Variants in NIT1 observed in about 807,000 individuals in gnomAD.
NIT1 encodes deaminated glutathione amidase.
Under a neutral mutation model 36.8 loss-of-function variants are expected in NIT1, and 30 were observed. The ratio of observed to expected loss-of-function variants is 0.82; its 90% CI spans 0.61 to 1.11. The LOEUF (loss-of-function observed/expected upper bound fraction) is 1.11, where lower values mean the gene tolerates loss of function less well. Among genes scored for constraint, NIT1 ranks in the 50% least tolerant of loss-of-function variants. The pLI, the probability that NIT1 is intolerant of heterozygous loss-of-function variation, is 0.00. For synonymous variants in NIT1, 151 were observed against 155.6 expected (o/e 0.97, Z 0.22); for missense variants, 438 against 410.6 (o/e 1.07, Z -0.58).
At position 161,118,545 on chromosome 1, in the gene NIT1, G is replaced by A. The variant is rs1489312016; in HGVS notation, c.3-241G>A. 8.5e-6 allele frequency: 13 copies of A among 1,536,086 alleles called. 1 individual carries two copies. In the South Asian group the frequency reaches 1.3e-4, roughly 15 times the overall value. On this transcript the variant is annotated intron_variant, in intron 1 of 6. Coordinates refer to ENST00000368009, the MANE Select transcript of NIT1 (RefSeq NM_005600.3). ...CGTTTGTCAGAGGAAAGAGGCTTCA[G>A]TTTAATGTGAGATCATTGGAAGTTG...
rs199608667 is a variant in NIT1 at position 161,120,036 on chromosome 1, A to G, written c.592-71A>G. On this transcript the variant is annotated intron_variant, in intron 5 of 6. Transcript: ENST00000368009. ...GATAGAAAGCCCTAAGAGAGGGGGT[A>G]ATGGAAATATGACTAGATGCTGTGA... The G allele has an allele frequency of 5.3e-4, 853 of 1,608,730 alleles. 7 individuals are homozygous for G. Among genetic ancestry groups the G allele is most frequent in the South Asian group, 2.2e-4 (20 of 90,952 alleles).
chr1:161,120,722 G>T lies in NIT1; in HGVS notation c.941G>T (p.Arg314Leu), dbSNP rs761471860. 6.2e-7 allele frequency: 1 copy of T among 1,613,784 alleles called. No homozygotes were observed. Among genetic ancestry groups the T allele is most frequent in the Non-Finnish European group, 8.5e-7 (1 of 1,180,010 alleles). The change falls in exon 7 of 7, where the codon CGC (arginine) becomes CTC (leucine). Residue 314 changes from arginine (R) to leucine (L), a missense_variant. By Grantham distance (102) the Arg-to-Leu change is moderately radical. Coordinates refer to ENST00000368009, the MANE Select transcript of NIT1 (RefSeq NM_005600.3). Reference sequence around the variant, plus strand: ...CGACACCTGCCTGTGTTCCAGCACCGCAGGCCTGACCTCTATGGCAATCTG... The same window carrying T: ...CGACACCTGCCTGTGTTCCAGCACCTCAGGCCTGACCTCTATGGCAATCTG... ...LRRHLPVFQHRRPDLYGNLGH... is the reference protein window; with the variant it reads ...LRRHLPVFQHLRPDLYGNLGH...
chr1:161,120,530 A>C lies in NIT1; in HGVS notation c.749A>C (p.Gln250Pro). The change falls in exon 7 of 7, where the codon CAG (glutamine) becomes CCG (proline). Residue 250 changes from glutamine (Q) to proline (P), a missense_variant. Physicochemically the swap from Gln to Pro is moderately conservative, Grantham distance 76. Coordinates refer to ENST00000368009, the MANE Select transcript of NIT1 (RefSeq NM_005600.3). ...CTGCGGGCCCGTGCTATCGAAACCC[A>C]GTGCTATGTAGTGGCAGCAGCACAG... is the stretch of plus-strand genomic sequence containing the variant. ...VLLRARAIET[Q>P]CYVVAAAQCG... 6.2e-7 allele frequency: 1 copy of C among 1,614,184 alleles called. No homozygotes were observed. Among genetic ancestry groups the C allele is most frequent in the Non-Finnish European group, 8.5e-7 (1 of 1,180,044 alleles).
At chr1:161,122,048 G>T, downstream of NIT1, 1 of 1,414,208 alleles carries the variant, frequency 7.1e-7, no homozygotes, top group Non-Finnish European at 9.5e-7. This position sits in a 1 kb window ranked among gnomAD's most constrained non-coding sequence, Gnocchi z 4.2. Context: ...AAAAGGCAGG[G>T]GTGTGATTGG....
chr1:161,121,936 T>C, downstream of NIT1: 1 of 582,058 alleles, frequency 1.7e-6, no homozygotes, highest in Non-Finnish European at 2.9e-6. Context: ...ACGGGGTAAA[T>C]GGAAAAGGGA....
At chr1:161,118,971 C>T (rs1655113192) in intron 2 of NIT1, 90 bp downstream of exon 2, 2 of 1,332,164 alleles carry the variant, frequency 1.5e-6, no homozygotes. Context: ...GTCAACTATC[C>T]ACACATTTGA....
intron 6 of NIT1, 67 bp downstream of exon 6, chr1:161,120,299 C>T: frequency 6.3e-7 from 1 of 1,575,752 alleles, no homozygotes; most frequent in Non-Finnish European, 8.7e-7. Context: ...TTGGCCCTAC[C>T]AGTTAAATTC....
rs767253283 is a variant in NIT1, at chr1:161,118,851, C to T, written c.68C>T (p.Pro23Leu). Residue 23 changes from proline (P) to leucine (L), a missense_variant, in exon 2 of 7, where the codon CCT (proline) becomes CTT (leucine). Coordinates refer to ENST00000368009, the MANE Select transcript of NIT1 (RefSeq NM_005600.3). ...CTTCTGTGTCCTGGACTCCGGATAC[C>T]TCAACTCTCAGTACTTTGTGCTCAG... ...LSLLCPGLRI[P>L]QLSVLCAQPR... The T allele has an allele frequency of 1.9e-6, 3 of 1,613,874 alleles. No homozygotes were observed. Among genetic ancestry groups the T allele is most frequent in the Admixed American group, 1.7e-5 (1 of 60,000 alleles).
intron 2 of NIT1, 37 bp from the exon 3 acceptor site, chr1:161,119,097 C>T: frequency 6.2e-7 from 1 of 1,607,974 alleles, no homozygotes; most frequent in Non-Finnish European, 8.5e-7. Context: ...CTTCCCTGTG[C>T]TATGAAATCT....
Position 161,119,559 on chromosome 1 carries a change from A to T in NIT1, c.404A>T (p.Asp135Val), listed in dbSNP as rs1274159688. Residue 135 changes from aspartate (D) to valine (V), a missense_variant, in exon 4 of 7, where the codon GAC (aspartate) becomes GTC (valine). Asp to Val is a radical substitution (Grantham distance 152, BLOSUM62 -3). Coordinates refer to ENST00000368009, the MANE Select transcript of NIT1 (RefSeq NM_005600.3). Reference sequence around the variant, plus strand: ...GGTGGTTTCCATGAGCGTGGCCAAGACTGGGAGCAGACTCAGAAAATCTAC... The same window carrying T: ...GGTGGTTTCCATGAGCGTGGCCAAGTCTGGGAGCAGACTCAGAAAATCTAC... Reference protein sequence around the residue: ...SLGGFHERGQDWEQTQKIYNC... With the variant: ...SLGGFHERGQVWEQTQKIYNC... 3.7e-6 allele frequency: 6 copies of T among 1,614,048 alleles called. No individual in the cohort carries two copies. Among genetic ancestry groups the T allele is most frequent in the Non-Finnish European group, 5.1e-6 (6 of 1,180,034 alleles).
chr1:161,124,054 G>A (rs1440722338), downstream of NIT1: 1 of 1,577,688 alleles, frequency 6.3e-7, no homozygotes, highest in Admixed American at 1.7e-5. Flanking sequence ...CAGGATCAAT[G>A]TGTCCTCCCC....
chr1:161,123,585 G>A (rs192184333), downstream of NIT1, among the ~76,000 whole-genome samples: 214 of 149,744 alleles, frequency 1.4e-3, 2 homozygotes, highest in East Asian at 0.038. Context: ...GCAGTGAACC[G>A]AGATTGCGCC....
downstream of NIT1, chr1:161,124,738 G>A (rs1310337836): frequency 8.5e-6 from 4 of 472,656 alleles, no homozygotes; most frequent in East Asian, 4.8e-5. Flanking sequence ...AAGGCAGGAG[G>A]ATCACTTGAG....
At chr1:161,119,447 C>T (rs1302839539) in intron 3 of NIT1, 59 bp downstream of exon 3, 1 of 1,613,040 alleles carries the variant, frequency 6.2e-7, no homozygotes, top group African/African-American at 1.3e-5. Context: ...CCCTGGGTTG[C>T]CAGATATGAG....
intron 1 of NIT1, chr1:161,118,545 GT>G: frequency 6.5e-7 from 1 of 1,536,204 alleles, no homozygotes; most frequent in South Asian, 1.2e-5. Context: ...AGAGGCTTCA[GT>G]TTAATGTGAG....
Sources: gnomAD v4.1 joint callset for allele counts (sites outside exome capture counted in the v4.1 genomes callset) on GRCh38, gnomAD v4.1.1 for gene constraint, Gnocchi (gnomAD v3.1) non-coding constraint, MANE v1.5 for transcripts, NCBI Gene and HGNC (gene_info 2026-07-23, HGNC 2026-07-21) for gene names.